The following GALNTL5 variants were observed in gnomAD, a reference collection of about 807,000 sequenced individuals.
GALNTL5 encodes the protein inactive polypeptide N-acetylgalactosaminyltransferase-like protein 5.
GALNTL5 carries 44 observed loss-of-function variants against 51.0 expected under a neutral mutation model. That is an observed-to-expected ratio of 0.86 (90% CI 0.68 to 1.11). The LOEUF (loss-of-function observed/expected upper bound fraction) is 1.11. Ranked by LOEUF, GALNTL5 falls within the 50% of genes least tolerant of loss-of-function variation. The pLI is 0.00. For synonymous variants in GALNTL5, 192 were observed against 182.8 expected (o/e 1.05, Z -0.41); for missense variants, 528 against 531.8 (o/e 0.99, Z 0.07).
chr7:151,967,569 C>T (rs946036948), intron 2 of GALNTL5, 76 bp downstream of exon 2: 428 of 1,262,696 alleles, frequency 3.4e-4, no homozygotes, highest in Non-Finnish European at 4.4e-4. Context: ...TGGAAGAGTA[C>T]GAGACTATCC....
intron 1 of GALNTL5, among the ~76,000 whole-genome samples, chr7:151,962,047 G>C (rs2080998057): frequency 6.9e-6 from 1 of 145,958 alleles, no homozygotes; most frequent in Non-Finnish European, 1.5e-5. Context: ...CTGTTGCCCA[G>C]GCTGGAGTGC....
intron 5 of GALNTL5, among the ~76,000 whole-genome samples, chr7:151,998,874 TAA>T (rs549366544): frequency 7.3e-5 from 11 of 151,330 alleles, no homozygotes; most frequent in African/African-American, 2.7e-4. Context: ...CACCAGCGAT[TAA>T]AAAAAAATTA....
intron 7 of GALNTL5, among the ~76,000 whole-genome samples, chr7:152,012,213 C>T (rs1283491065): frequency 3.9e-5 from 6 of 152,168 alleles, no homozygotes; most frequent in Non-Finnish European, 7.3e-5. Context: ...CAGGGAAACA[C>T]GCTGTTCTGC....
intron 1 of GALNTL5, among the ~76,000 whole-genome samples, chr7:151,959,777 G>A (rs540809941): frequency 6.6e-6 from 1 of 152,294 alleles, no homozygotes; most frequent in East Asian, 1.9e-4. Flanking sequence ...TGGTGGCCAG[G>A]AGGGTACTGG....
At chr7:151,957,382 TA>T (rs33975032) in intron 1 of GALNTL5, among the ~76,000 whole-genome samples, 38,703 of 133,160 alleles carry the variant, frequency 0.29, 5,714 homozygotes, top group Admixed American at 0.37. Context: ...CATCTCTATT[TA>T]AAAAAAAAAA....
intron 5 of GALNTL5, among the ~76,000 whole-genome samples, chr7:151,998,960 C>T (rs78864767): frequency 0.01 from 1,523 of 152,196 alleles, 23 homozygotes; most frequent in African/African-American, 0.032. Flanking sequence ...AGTAGCATTT[C>T]GCACCTTCAC....
At chr7:151,975,367 T>G (rs1307155511) in intron 3 of GALNTL5, among the ~76,000 whole-genome samples, 1 of 152,146 alleles carries the variant, frequency 6.6e-6, no homozygotes, top group Non-Finnish European at 1.5e-5. Flanking sequence ...TAATTGTTCA[T>G]AGTAGTCTTT....
chr7:152,015,654 C>T (rs902927787), intron 8 of GALNTL5, among the ~76,000 whole-genome samples: 6 of 151,958 alleles, frequency 3.9e-5, no homozygotes, highest in African/African-American at 1.2e-4. Flanking sequence ...CCACCGTACC[C>T]GGCCCATGTG....
chr7:152,018,665 A>G (rs1354923273), intron 8 of GALNTL5, among the ~76,000 whole-genome samples: 1 of 152,146 alleles, frequency 6.6e-6, no homozygotes, highest in Non-Finnish European at 1.5e-5. Flanking sequence ...GGACAGGAAG[A>G]TGTGCCTAAG....
chr7:151,970,030 T>C (rs1400386369), intron 2 of GALNTL5, among the ~76,000 whole-genome samples: 1 of 151,750 alleles, frequency 6.6e-6, no homozygotes, highest in Non-Finnish European at 1.5e-5. Context: ...CAGGATGGTG[T>C]TGATCTCCTG....
chr7:151,966,097 T>G (rs1161278863), intron 1 of GALNTL5, among the ~76,000 whole-genome samples: 1 of 152,180 alleles, frequency 6.6e-6, no homozygotes, highest in East Asian at 1.9e-4. Context: ...TTTCCAAATT[T>G]ATATCACACC....
At chr7:151,970,029 G>C (rs1055056362) in intron 2 of GALNTL5, among the ~76,000 whole-genome samples, 2 of 151,540 alleles carry the variant, frequency 1.3e-5, no homozygotes, top group African/African-American at 2.4e-5. Flanking sequence ...CCAGGATGGT[G>C]TTGATCTCCT....
chr7:152,016,486 G>A (rs1172726486), intron 8 of GALNTL5, among the ~76,000 whole-genome samples: 1 of 151,890 alleles, frequency 6.6e-6, no homozygotes, highest in African/African-American at 2.4e-5. Flanking sequence ...TGGGAGTGTT[G>A]ACTTTTACAA....
intron 6 of GALNTL5, among the ~76,000 whole-genome samples, chr7:152,004,186 C>T (rs1365135666): frequency 1.3e-5 from 2 of 151,740 alleles, no homozygotes; most frequent in Non-Finnish European, 2.9e-5. Flanking sequence ...TATGGACTAT[C>T]ACATAATCAT....
chr7:152,011,339 A>G (rs2081735633), intron 7 of GALNTL5, among the ~76,000 whole-genome samples: 1 of 152,226 alleles, frequency 6.6e-6, no homozygotes. Context: ...GTTCACTTCC[A>G]GTCTCTGAAT....
At chr7:151,994,691 C>T (rs760918952) in intron 5 of GALNTL5, among the ~76,000 whole-genome samples, 4 of 152,092 alleles carry the variant, frequency 2.6e-5, no homozygotes, top group Admixed American at 6.5e-5. Flanking sequence ...CACTTTATCA[C>T]CATAGTCTTT....
chr7:152,009,221 C>T (rs1342254515), intron 7 of GALNTL5, among the ~76,000 whole-genome samples: 2 of 152,188 alleles, frequency 1.3e-5, no homozygotes, highest in African/African-American at 4.8e-5. Flanking sequence ...ATGATCTCTG[C>T]ACCTGCATAC....
intron 8 of GALNTL5, among the ~76,000 whole-genome samples, chr7:152,018,413 T>C (rs186952498): frequency 3.0e-4 from 46 of 152,342 alleles, no homozygotes; most frequent in Middle Eastern, 3.4e-3. Flanking sequence ...TTGTTTAAAA[T>C]TGTATTTCAT....
intron 3 of GALNTL5, among the ~76,000 whole-genome samples, chr7:151,976,559 GT>G (rs2081208502): frequency 6.6e-6 from 1 of 151,732 alleles, no homozygotes; most frequent in South Asian, 2.1e-4. Context: ...GTTAGGTCTT[GT>G]TTTTTTAATC....
Sources: gnomAD v4.1 joint callset for allele counts (sites outside exome capture counted in the v4.1 genomes callset) on GRCh38, gnomAD v4.1.1 for gene constraint, MANE v1.5 for transcripts, NCBI Gene and HGNC (gene_info 2026-07-23, HGNC 2026-07-21) for gene names.